NFKBID: variants seen among roughly 807,000 people sequenced by gnomAD.
NFKBID encodes the protein NFKB inhibitor delta.
Under a neutral mutation model 53.4 loss-of-function variants are expected in NFKBID, and 26 were observed. The observed-to-expected ratio is 0.49, with a 90% CI of 0.36 to 0.68. NFKBID has a LOEUF of 0.68. Among genes scored for constraint, NFKBID ranks in the 30% least tolerant of loss-of-function variants. The pLI is 0.00. For missense variants in NFKBID, 493 were observed against 614.1 expected, an observed-to-expected ratio of 0.80 and a Z score of 2.08; for synonymous variants, 262 against 259.8, an observed-to-expected ratio of 1.01 and a Z score of -0.08.
chr19:35,888,420 C>G (rs1276421870), exon 12 of NFKBID: 2 of 667,600 alleles, frequency 3.0e-6, no homozygotes, highest in African/African-American at 1.8e-5. Flanking sequence ...CCCTCTGCAG[C>G]CATTCTGGGG....
exon 11 of NFKBID, chr19:35,889,973 C>T (rs1173550459): frequency 2.5e-6 from 4 of 1,611,394 alleles, no homozygotes; most frequent in Non-Finnish European, 3.4e-6. Flanking sequence ...GCCCCAGCTG[C>T]CAACAGGTGC....
At position 35,896,842 on chromosome 19, in the gene NFKBID, G is replaced by T; in HGVS notation, c.579-11C>A. 1 of 1,614,116 alleles carries T rather than the reference G, an allele frequency of 6.2e-7. No individual in the cohort carries two copies. The highest frequency in any genetic ancestry group is 8.5e-7 in the Non-Finnish European group (1 of 1,179,960). ...AACAGGTGAAGGAGCCTGAGGACAG[G>T]TGGGGGACAGCCGTGAGAACAGCCC... On this transcript the variant is annotated splice_polypyrimidine_tract_variant and intron_variant, in intron 5 of 11. Coordinates refer to ENST00000641389, the Ensembl canonical transcript of NFKBID. The surrounding 1 kb of genome is among the most constrained non-coding windows in gnomAD (Gnocchi z 5.7).
At chr19:35,890,573 C>T in intron 9 of NFKBID, 83 bp from the exon 10 acceptor site, 4 of 952,072 alleles carry the variant, frequency 4.2e-6, no homozygotes, top group Non-Finnish European at 6.9e-6. Context: ...TTTAAAGACC[C>T]TGACCCTTGG....
In NFKBID at chr19:35,896,915, G is replaced by A. The variant is rs1975212803; in HGVS notation, c.576C>T (p.Asp192=). 1 of 1,608,322 alleles carries A rather than the reference G, an allele frequency of 6.2e-7. No homozygotes were observed. The highest frequency in any genetic ancestry group is 1.3e-5 in the African/African-American group (1 of 74,682). ...ACAACCCTATCCCTTATACTCACGT[G>A]TCCCCCTCCTCATCCTGGGCCAGCA... is the stretch of plus-strand genomic sequence containing the variant. The change falls in exon 5 of 12, where the codon GAC becomes GAT. Residue 192 remains aspartate, a splice_region_variant and synonymous_variant. Coordinates refer to ENST00000641389, the Ensembl canonical transcript of NFKBID. This position sits in a 1 kb window ranked among gnomAD's most constrained non-coding sequence, Gnocchi z 5.7.
intron 9 of NFKBID, 155 bp from the exon 10 acceptor site, chr19:35,890,645 C>T (rs1465846669): frequency 1.4e-6 from 1 of 718,804 alleles, no homozygotes; most frequent in Non-Finnish European, 2.5e-6. Context: ...AGGAGGATCA[C>T]TTGAGGCCAG....
Position 35,896,276 on chromosome 19 carries a change from G to A in NFKBID, c.832-7C>T, listed in dbSNP as rs1975140592. On this transcript the variant is annotated splice_polypyrimidine_tract_variant and splice_region_variant and intron_variant, in intron 7 of 11. Transcript: ENST00000641389. This position sits in a 1 kb window ranked among gnomAD's most constrained non-coding sequence, Gnocchi z 5.7. ...CCCCAGAGTTAAGCACAGCCTGGGA[G>A]GAAGAGAAGGCAGACTGCTGGGTAA... 1 of 1,614,182 alleles carries A rather than the reference G, an allele frequency of 6.2e-7. No homozygotes were observed.
intron 9 of NFKBID, 74 bp downstream of exon 9, chr19:35,895,906 T>G (rs768761677): frequency 6.9e-7 from 1 of 1,449,158 alleles, no homozygotes; most frequent in Non-Finnish European, 9.5e-7. Context: ...AGCATTTGCC[T>G]GGAGCTCCCG....
At chr19:35,890,096 C>T (rs1287446423) in intron 10 of NFKBID, 42 bp from the exon 11 acceptor site, 26 of 1,556,856 alleles carry the variant, frequency 1.7e-5, no homozygotes, top group Non-Finnish European at 2.2e-5. Context: ...CTGGGCTCAG[C>T]TGGCCCAGGC....
exon 10 of NFKBID, chr19:35,890,439 G>C: frequency 1.2e-6 from 2 of 1,614,104 alleles, no homozygotes; most frequent in Non-Finnish European, 1.7e-6. Flanking sequence ...ACCAGAGTGG[G>C]GTTGGCAGCC....
At position 35,889,925 on chromosome 19, in the gene NFKBID, C is replaced by T. The variant is rs369946352; in HGVS notation, c.1279G>A (p.Val427Ile). The T allele has an allele frequency of 1.2e-5, 20 of 1,611,282 alleles. No individual in the cohort carries two copies. Among genetic ancestry groups the T allele is most frequent in the East Asian group, 8.9e-5 (4 of 44,810 alleles). Reference sequence around the variant, plus strand: ...CCCGGCCCGGGCCGCAGCAGGTGAACGGGCTGCTCATTCTCCAGGTTGCGC... The same window carrying T: ...CCCGGCCCGGGCCGCAGCAGGTGAATGGGCTGCTCATTCTCCAGGTTGCGC... Residue 427 changes from valine (V) to isoleucine (I), a missense_variant, in exon 11 of 12, where the codon GTT becomes ATT. This residue lies in a region of NFKBID where 267 missense variants were observed against 384.6 expected (regional missense o/e 0.69). Transcript: ENST00000641389.
chr19:35,890,858 T>C (rs1239635081), intron 9 of NFKBID, among the ~76,000 whole-genome samples: 1 of 147,228 alleles, frequency 6.8e-6, no homozygotes. Context: ...AGTGACACTC[T>C]ATCTCAAAAT....
In NFKBID at chr19:35,896,067, G is replaced by A; in HGVS notation, c.945C>T (p.Leu315=). The change falls in exon 9 of 12, where the codon CTC becomes CTT. Residue 315 remains leucine, a synonymous_variant. Transcript: ENST00000641389. The surrounding 1 kb of genome is among the most constrained non-coding windows in gnomAD (Gnocchi z 5.7). ...CCTGTGTGCTCAGCACCCGGGGACAGAGGTCGGAAGGGCGCATAGCAACGT... is the reference window on the plus strand; with the variant it reads ...CCTGTGTGCTCAGCACCCGGGGACAAAGGTCGGAAGGGCGCATAGCAACGT... 1 of 1,614,184 alleles carries A rather than the reference G, an allele frequency of 6.2e-7. No individual in the cohort carries two copies. Among genetic ancestry groups the A allele is most frequent in the Admixed American group, 1.7e-5 (1 of 60,024 alleles).
At chr19:35,899,626 C>A (rs1031649363) in intron 1 of NFKBID, 16 of 149,244 alleles carry the variant, frequency 1.1e-4, no homozygotes, top group Admixed American at 3.3e-4. Context: ...GGAATCTGGA[C>A]CCTCAGTTCC....
rs930416840 is a variant in NFKBID at position 35,890,951 on chromosome 19, G to A, written c.1033-461C>T. Among the ~76,000 whole-genome samples the A allele has an allele frequency of 5.9e-5, 9 of 151,844 alleles. No homozygotes were observed. The South Asian group carries it at 6.3e-4, about 11-fold the overall frequency. On this transcript the variant is annotated intron_variant, in intron 9 of 11. Transcript: ENST00000641389. ...TATTCAGTTGTATGTCTTGTGCACC[G>A]CACAACACCACGTCTCAGGGTGTAC... is the stretch of plus-strand genomic sequence containing the variant.
upstream of NFKBID, among the ~76,000 whole-genome samples, chr19:35,900,827 C>CTTTTT (rs60365058): frequency 4.3e-3 from 466 of 107,486 alleles, no homozygotes; most frequent in African/African-American, 5.1e-3. Context: ...TTTTTCTTTT[C>CTTTTT]TTTTTTTTTT....
chr19:35,901,501 C>T (rs546332104), upstream of NFKBID: 6 of 152,318 alleles, frequency 3.9e-5, no homozygotes, highest in Admixed American at 6.5e-5. Context: ...AGGCCACTCT[C>T]AGTTTCACTT....
Position 35,896,549 on chromosome 19 carries a change from CAGG to C in NFKBID, c.685-14_685-12del, listed in dbSNP as rs752436269. 9.3e-6 allele frequency: 15 copies of C among 1,613,480 alleles called. No individual in the cohort carries two copies. The East Asian group carries it at 2.0e-4, about 22-fold the overall frequency. On this transcript the variant is annotated splice_polypyrimidine_tract_variant and intron_variant, in intron 6 of 11. Coordinates refer to ENST00000641389, the Ensembl canonical transcript of NFKBID. The surrounding 1 kb of genome is among the most constrained non-coding windows in gnomAD (Gnocchi z 5.7). ...CACCAGGAGAGGGGTCTGCAGGCCA[CAGG>C]AGAAGTCAGGTTGGGCTCCTGGTTC...
At chr19:35,900,813 C>CT (rs1240155426), upstream of NFKBID, among the ~76,000 whole-genome samples, 10 of 127,942 alleles carry the variant, frequency 7.8e-5, no homozygotes, top group South Asian at 2.6e-4. Context: ...TTTTCTTTTT[C>CT]TTTTTTTTCT....
At chr19:35,889,077 G>A (rs890017851) in intron 11 of NFKBID, among the ~76,000 whole-genome samples, 16 of 151,074 alleles carry the variant, frequency 1.1e-4, no homozygotes, top group Admixed American at 3.3e-4. Flanking sequence ...GAAGGAGGCC[G>A]GGAGTGATGG....
Sources: gnomAD v4.1 joint callset for allele counts (sites outside exome capture counted in the v4.1 genomes callset) on GRCh38, gnomAD v4.1.1 for gene constraint, gnomAD v4.1.1 regional missense constraint, Gnocchi (gnomAD v3.1) non-coding constraint, MANE v1.5 for transcripts, NCBI Gene and HGNC (gene_info 2026-07-23, HGNC 2026-07-21) for gene names.